MEGF11: variants seen among roughly 807,000 people sequenced by gnomAD.
The protein encoded by MEGF11 is multiple epidermal growth factor-like domains protein 11.
MEGF11 carries 126 observed loss-of-function variants against 146.6 expected under a neutral mutation model. The ratio of observed to expected loss-of-function variants is 0.86; its 90% CI spans 0.74 to 1.00. MEGF11 has a LOEUF of 1.00. MEGF11 is among the 50% of genes least tolerant of loss of function. The pLI is 0.00. For missense variants in MEGF11, 1,509 were observed against 1,521.2 expected (o/e 0.99, Z 0.13); for synonymous variants, 532 against 583.4 (o/e 0.91, Z 1.27).
chr15:66,066,321 G>T lies in MEGF11; in HGVS notation c.394+28081C>A, dbSNP rs193293216. Among the ~76,000 whole-genome samples the T allele has an allele frequency of 6.2e-3, 936 of 152,194 alleles. 2 individuals are homozygous for T. The highest frequency in any genetic ancestry group is 0.01 in the Non-Finnish European group (697 of 68,000). On this transcript the variant is annotated intron_variant, in intron 5 of 25. Coordinates refer to ENST00000395614, the MANE Select transcript of MEGF11 (RefSeq NM_001385028.1). ...GCACAAACACCAGAGCCCCCCAGTTGGTTGCTGACCTCCCTCCCCACCACC... is the reference window on the plus strand; with the variant it reads ...GCACAAACACCAGAGCCCCCCAGTTTGTTGCTGACCTCCCTCCCCACCACC...
chr15:65,930,737 C>T, intron 11 of MEGF11, 86 bp downstream of exon 11: 2 of 1,458,080 alleles, frequency 1.4e-6, no homozygotes. Flanking sequence ...GTTGGGGCAG[C>T]CCCACCTGAG....
At chr15:66,136,041 G>A (rs931096725) in intron 1 of MEGF11, among the ~76,000 whole-genome samples, 5 of 152,116 alleles carry the variant, frequency 3.3e-5, no homozygotes, top group East Asian at 3.9e-4. Context: ...TCAGGTTTGC[G>A]CCATCTCCCA....
chr15:66,233,895 A>G (rs1268802259), intron 1 of MEGF11, among the ~76,000 whole-genome samples: 1 of 150,880 alleles, frequency 6.6e-6, no homozygotes, highest in Non-Finnish European at 1.5e-5. Flanking sequence ...CCATTAAGAG[A>G]GACAGGCAGT....
rs554870601 is a variant in MEGF11 at position 66,169,204 on chromosome 15, C to T, written c.-8-40793G>A. ...GCACAGACCGCAGCGTCCTGCCTGA[C>T]GCAGCCACTCAATACACATTCGCTG... On this transcript the variant is annotated intron_variant, in intron 1 of 25. Transcript: ENST00000395614. Among the ~76,000 whole-genome samples, 15 of 152,352 alleles carry T rather than the reference C, an allele frequency of 9.8e-5. No individual in the cohort carries two copies. In the South Asian group the frequency reaches 2.3e-3, roughly 23 times the overall value.
chr15:66,102,137 C>T (rs143911734), intron 4 of MEGF11, among the ~76,000 whole-genome samples: 69 of 122,446 alleles, frequency 5.6e-4, no homozygotes, highest in African/African-American at 1.9e-3. Flanking sequence ...TTCCCTTAAT[C>T]GATGCTTCGG....
At chr15:66,154,198 G>A (rs1417227720) in intron 1 of MEGF11, among the ~76,000 whole-genome samples, 2 of 152,230 alleles carry the variant, frequency 1.3e-5, no homozygotes, top group Non-Finnish European at 2.9e-5. Flanking sequence ...TGTAACCCTT[G>A]CTACCCGAAA....
At chr15:65,917,335 C>G (rs1295203540) in intron 16 of MEGF11, among the ~76,000 whole-genome samples, 1 of 152,132 alleles carries the variant, frequency 6.6e-6, no homozygotes, top group Non-Finnish European at 1.5e-5. Context: ...GGCAGGAGCT[C>G]TCTTCTCTCA....
intron 1 of MEGF11, among the ~76,000 whole-genome samples, chr15:66,227,952 C>A (rs2091888590): frequency 6.6e-6 from 1 of 152,174 alleles, no homozygotes; most frequent in East Asian, 1.9e-4. Flanking sequence ...CATGCCAGGG[C>A]ATCTGGGGTG....
At chr15:66,140,947 C>T (rs1270447130) in intron 1 of MEGF11, among the ~76,000 whole-genome samples, 1 of 151,728 alleles carries the variant, frequency 6.6e-6, no homozygotes, top group East Asian at 1.9e-4. Context: ...TAGATGTAGA[C>T]TCGGTTGAAC....
intron 13 of MEGF11, among the ~76,000 whole-genome samples, chr15:65,924,027 C>T (rs2079272821): frequency 6.6e-6 from 1 of 152,050 alleles, no homozygotes; most frequent in South Asian, 2.1e-4. Flanking sequence ...ATCATGTCTG[C>T]CTTGTTATAA....
In MEGF11 at chr15:66,094,469, G is replaced by A. The variant is rs757367982; in HGVS notation, c.327C>T (p.His109=). 9.0e-6 allele frequency: 14 copies of A among 1,560,576 alleles called. No individual in the cohort carries two copies. The highest frequency in any genetic ancestry group is 3.8e-5 in the Admixed American group (2 of 52,148). The change falls in exon 5 of 26, where the codon CAC becomes CAT. Residue 109 remains histidine, a synonymous_variant. Coordinates refer to ENST00000395614, the MANE Select transcript of MEGF11 (RefSeq NM_001385028.1). ...CIPLCTEECV[H]GRCVSPDTCH... The stretch of plus-strand genomic sequence containing the variant: ...AGGTGTCCGGGGAAACGCAGCGGCC[G>A]TGCACACACTCCTCCGTACACAGGG...
intron 7 of MEGF11, among the ~76,000 whole-genome samples, chr15:65,980,395 C>CTTTTTTTTTTTTTTTTTTTTT (rs60154748): frequency 2.3e-5 from 2 of 88,184 alleles, no homozygotes; most frequent in African/African-American, 9.9e-5. Context: ...AAGAATTCAG[C>CTTTTTTTTTTTTTTTTTTTTT]TTTTTTTTTT....
intron 1 of MEGF11, among the ~76,000 whole-genome samples, chr15:66,150,234 C>T (rs1212216445): frequency 1.3e-5 from 2 of 152,200 alleles, no homozygotes; most frequent in Admixed American, 6.5e-5. Flanking sequence ...GCCAGCCTGG[C>T]GGGCATGGTG....
rs928385935 is a variant in MEGF11, at chr15:66,083,091, T to C, written c.394+11311A>G. On this transcript the variant is annotated intron_variant, in intron 5 of 25. Coordinates refer to ENST00000395614, the MANE Select transcript of MEGF11 (RefSeq NM_001385028.1). Reference sequence around the variant, plus strand: ...CGCCTGAGACAGAGACACTCCCTGATGTACTTTCCAAATCAGGCAGTTGGT... The same window carrying C: ...CGCCTGAGACAGAGACACTCCCTGACGTACTTTCCAAATCAGGCAGTTGGT... Among the ~76,000 whole-genome samples, 4 of 152,184 alleles carry C rather than the reference T, an allele frequency of 2.6e-5. No individual in the cohort carries two copies. The East Asian group carries it at 5.8e-4, about 22-fold the overall frequency.
chr15:66,089,702 T>A (rs1312011587), intron 5 of MEGF11, among the ~76,000 whole-genome samples: 1 of 152,244 alleles, frequency 6.6e-6, no homozygotes, highest in Non-Finnish European at 1.5e-5. Context: ...TGAAATCTCA[T>A]AAATGAAGTA....
At chr15:66,044,314 A>G (rs2084108902) in intron 5 of MEGF11, among the ~76,000 whole-genome samples, 2 of 152,186 alleles carry the variant, frequency 1.3e-5, no homozygotes. Context: ...GTAGACACTG[A>G]ATTGTGATCA....
rs2141117653 is a variant in MEGF11 at position 65,895,864 on chromosome 15, T to C, written c.*2070A>G. The C allele has an allele frequency of 6.6e-6, 1 of 152,362 alleles. No homozygotes were observed. The highest frequency in any genetic ancestry group is 1.9e-4 in the East Asian group (1 of 5,182). 9.4% of individuals were successfully genotyped at this position (152,362 alleles called of 1,614,324 possible). A position where few individuals can be genotyped will look rare whatever the true frequency, so the allele number is the denominator to read the frequency against. Reference sequence around the variant, plus strand: ...TTGACCAGAGTAACACTGAAATCTCTTGATTCAGTGTCTAGCCATTCCACC... The same window carrying C: ...TTGACCAGAGTAACACTGAAATCTCCTGATTCAGTGTCTAGCCATTCCACC... On this transcript the variant is annotated 3_prime_UTR_variant, in exon 26 of 26. Transcript: ENST00000395614.
chr15:66,047,120 A>C (rs2084239638), intron 5 of MEGF11, among the ~76,000 whole-genome samples: 1 of 152,200 alleles, frequency 6.6e-6, no homozygotes, highest in Admixed American at 6.5e-5. Context: ...TTAAAGGAGG[A>C]CTTAGGAGGC....
chr15:66,167,803 G>A (rs1001822731), intron 1 of MEGF11, among the ~76,000 whole-genome samples: 1 of 152,198 alleles, frequency 6.6e-6, no homozygotes, highest in Non-Finnish European at 1.5e-5. Context: ...AAACTGCACT[G>A]ATCTGCTCAA....
Sources: allele counts gnomAD v4.1 joint callset (sites outside exome capture counted in the v4.1 genomes callset), GRCh38; gene constraint gnomAD v4.1.1; transcripts MANE v1.5; gene names NCBI Gene and HGNC (gene_info 2026-07-23, HGNC 2026-07-21).